The following TMEM135 variants were observed in gnomAD, a reference collection of about 807,000 sequenced individuals.
TMEM135 encodes peroxisomal membrane protein 52.
TMEM135 carries 30 observed loss-of-function variants against 60.3 expected under a neutral mutation model. The observed-to-expected ratio is 0.50, with a 90% confidence interval of 0.37 to 0.68. TMEM135 has a LOEUF of 0.68. Among genes scored for constraint, TMEM135 ranks in the 30% least tolerant of loss-of-function variants. The pLI, the probability that TMEM135 is intolerant of heterozygous loss-of-function variation, is 0.00. For missense variants in TMEM135, 468 were observed against 548.8 expected (o/e 0.85, Z 1.47); for synonymous variants, 190 against 186.7 (o/e 1.02, Z -0.14).
intron 5 of TMEM135, among the ~76,000 whole-genome samples, chr11:87,209,073 AAAAG>A (rs2135340608): frequency 6.6e-6 from 1 of 152,344 alleles, no homozygotes; most frequent in African/African-American, 2.4e-5. Context: ...CTAAACATGG[AAAAG>A]AAAGAAAGAT....
At chr11:87,205,920 A>C (rs1940224592) in intron 5 of TMEM135, among the ~76,000 whole-genome samples, 1 of 152,144 alleles carries the variant, frequency 6.6e-6, no homozygotes, top group Admixed American at 6.5e-5. Context: ...GTTCTCCCTC[A>C]GTTCACAGAG....
intron 1 of TMEM135, among the ~76,000 whole-genome samples, chr11:87,041,823 G>C (rs549646643): frequency 6.6e-6 from 1 of 152,318 alleles, no homozygotes; most frequent in Admixed American, 6.5e-5. Flanking sequence ...AAGATGAAAG[G>C]GCAGTTCTAG....
intron 6 of TMEM135, among the ~76,000 whole-genome samples, chr11:87,269,346 T>C (rs1270141244): frequency 2.0e-5 from 3 of 151,420 alleles, no homozygotes; most frequent in African/African-American, 7.3e-5. Context: ...TTTCTTTTTT[T>C]TTTAAATTAT....
intron 4 of TMEM135, among the ~76,000 whole-genome samples, chr11:87,124,814 T>TCTATG (rs1937680552): frequency 6.6e-6 from 1 of 152,174 alleles, no homozygotes; most frequent in African/African-American, 2.4e-5. Flanking sequence ...CTTTTTCCCC[T>TCTATG]CTATGCCTTC....
chr11:87,166,562 A>G (rs1247177685), intron 5 of TMEM135, among the ~76,000 whole-genome samples: 1 of 151,776 alleles, frequency 6.6e-6, no homozygotes, highest in Non-Finnish European at 1.5e-5. Context: ...TAAATAGGGA[A>G]TCCTTTTCCC....
At chr11:87,227,054 A>C (rs1023847472) in intron 5 of TMEM135, among the ~76,000 whole-genome samples, 4 of 152,184 alleles carry the variant, frequency 2.6e-5, no homozygotes, top group African/African-American at 9.6e-5. Context: ...ATTTCAAAAA[A>C]AGAAAAACAA....
chr11:87,178,152 G>T (rs1386781969), intron 5 of TMEM135, among the ~76,000 whole-genome samples: 3 of 151,884 alleles, frequency 2.0e-5, no homozygotes, highest in Non-Finnish European at 4.4e-5. Context: ...GTCCTTGGAG[G>T]TGCTGTTGGC....
intron 1 of TMEM135, 51 bp downstream of exon 1, chr11:87,038,237 C>A: frequency 6.7e-7 from 1 of 1,491,078 alleles, no homozygotes; most frequent in Middle Eastern, 1.9e-4. Flanking sequence ...GAAGATGGGC[C>A]GGGGGCTGCA....
intron 4 of TMEM135, among the ~76,000 whole-genome samples, chr11:87,122,564 G>A (rs899842250): frequency 4.6e-5 from 7 of 151,660 alleles, no homozygotes; most frequent in African/African-American, 1.7e-4. Flanking sequence ...AGGTTCAAGT[G>A]ATTCTCCTGC....
chr11:87,276,207 T>C (rs1941963299), intron 6 of TMEM135, among the ~76,000 whole-genome samples: 3 of 152,212 alleles, frequency 2.0e-5, no homozygotes, highest in African/African-American at 7.2e-5. Context: ...TCTTTTATTA[T>C]AAACATTTAA....
chr11:87,317,123 G>A (rs1942746792), intron 12 of TMEM135, among the ~76,000 whole-genome samples: 1 of 151,912 alleles, frequency 6.6e-6, no homozygotes, highest in Admixed American at 6.6e-5. Flanking sequence ...ACTGTGCTAG[G>A]TACTGGAAAG....
chr11:87,108,222 C>G (rs1857648177), intron 4 of TMEM135, among the ~76,000 whole-genome samples: 1 of 152,164 alleles, frequency 6.6e-6, no homozygotes, highest in Non-Finnish European at 1.5e-5. Context: ...TGCCTGTTCA[C>G]TATGATGATA....
intron 5 of TMEM135, among the ~76,000 whole-genome samples, chr11:87,220,434 A>C (rs1223351196): frequency 6.6e-6 from 1 of 152,194 alleles, no homozygotes; most frequent in African/African-American, 2.4e-5. Context: ...TTAAATTTTG[A>C]AGACTGAGAA....
chr11:87,295,782 G>A lies in TMEM135; in HGVS notation c.510G>A (p.Arg170=), dbSNP rs1243924853. 1.2e-6 allele frequency: 2 copies of A among 1,605,416 alleles called. No individual in the cohort carries two copies. The highest frequency in any genetic ancestry group is 2.2e-5 in the South Asian group (2 of 89,606). ...ITAAMYMFFF[R]CKDGLKGFTF... is the part of the protein sequence containing the mutation. ...TGATTGTAAATTCTTATTGTTTTAG[G>A]TGCAAGGATGGCTTGAAAGGATTTA... Residue 170 remains arginine (R), a splice_region_variant and synonymous_variant, in exon 7 of 15, where the codon AGG becomes AGA. Coordinates refer to ENST00000305494, the MANE Select transcript of TMEM135 (RefSeq NM_022918.4).
At chr11:87,053,587 C>G (rs1590981508) in intron 1 of TMEM135, among the ~76,000 whole-genome samples, 3 of 151,298 alleles carry the variant, frequency 2.0e-5, no homozygotes, top group African/African-American at 7.3e-5. Context: ...AATGTCAGTA[C>G]AATTTCTTAC....
chr11:87,111,078 T>C (rs567613202), intron 4 of TMEM135, among the ~76,000 whole-genome samples: 1 of 152,292 alleles, frequency 6.6e-6, no homozygotes, highest in South Asian at 2.1e-4. Context: ...TCTTAAAATG[T>C]AGTTTCCTAA....
intron 1 of TMEM135, among the ~76,000 whole-genome samples, chr11:87,042,391 C>T (rs931308420): frequency 3.3e-5 from 5 of 152,154 alleles, no homozygotes; most frequent in African/African-American, 4.8e-5. Context: ...TCTTTATGGC[C>T]AGTTTTTACA....
At chr11:87,263,355 A>G (rs1239449763) in intron 6 of TMEM135, among the ~76,000 whole-genome samples, 2 of 152,188 alleles carry the variant, frequency 1.3e-5, no homozygotes, top group Non-Finnish European at 2.9e-5. Flanking sequence ...TTACTGCAAT[A>G]TCATCATCAC....
chr11:87,178,446 G>GT, intron 5 of TMEM135: 2 of 455,930 alleles, frequency 4.4e-6, no homozygotes, highest in South Asian at 1.5e-5. Flanking sequence ...AATGCGTTTT[G>GT]TTTTTTTGAG....
Sources: allele counts gnomAD v4.1 joint callset (sites outside exome capture counted in the v4.1 genomes callset), GRCh38; gene constraint gnomAD v4.1.1; transcripts MANE v1.5; gene names NCBI Gene and HGNC (gene_info 2026-07-23, HGNC 2026-07-21).